Variants in ADCYAP1R1 observed in about 807,000 individuals in gnomAD.
ADCYAP1R1 encodes pituitary adenylate cyclase-activating polypeptide type I receptor.
Under a neutral mutation model 67.6 loss-of-function variants are expected in ADCYAP1R1, and 44 were observed. The observed-to-expected ratio is 0.65, with a 90% CI of 0.51 to 0.84. The LOEUF (loss-of-function observed/expected upper bound fraction) is 0.84, where lower values mean the gene tolerates loss of function less well. Among genes scored for constraint, ADCYAP1R1 ranks in the 40% least tolerant of loss-of-function variants. ADCYAP1R1 has a pLI of 0.00. For missense variants in ADCYAP1R1, 477 were observed against 587.9 expected, an observed-to-expected ratio of 0.81 and a Z score of 1.95; for synonymous variants, 222 against 219.6, an observed-to-expected ratio of 1.01 and a Z score of -0.10.
At chr7:31,087,076 T>C in intron 11 of ADCYAP1R1, 73 bp downstream of exon 11, 1 of 1,519,576 alleles carries the variant, frequency 6.6e-7, no homozygotes, top group Non-Finnish European at 9.1e-7. Flanking sequence ...GTAGCTGCCC[T>C]GACTTCACAT....
At chr7:31,104,755 C>G (rs921735473) in intron 14 of ADCYAP1R1, 113 bp from the exon 15 acceptor site, 1 of 1,222,710 alleles carries the variant, frequency 8.2e-7, no homozygotes, top group Non-Finnish European at 1.2e-6. Flanking sequence ...GGCAGGTGCC[C>G]CCATCCAGGT....
At chr7:31,100,011 A>C (rs1241079552) in intron 13 of ADCYAP1R1, 2 of 995,458 alleles carry the variant, frequency 2.0e-6, no homozygotes, top group Non-Finnish European at 3.0e-6. Flanking sequence ...TCTCCTCCAC[A>C]TGACTGCCCT....
intron 1 of ADCYAP1R1, among the ~76,000 whole-genome samples, chr7:31,058,889 T>C (rs1562625002): frequency 6.6e-6 from 1 of 152,130 alleles, no homozygotes; most frequent in African/African-American, 2.4e-5. Context: ...CTGTGTGATT[T>C]TGGGGAAGTT....
intron 3 of ADCYAP1R1, among the ~76,000 whole-genome samples, chr7:31,066,408 G>A (rs949420068): frequency 6.6e-6 from 1 of 152,144 alleles, no homozygotes; most frequent in Non-Finnish European, 1.5e-5. Context: ...TGAACTCTGG[G>A]CTGACAGGGC....
At chr7:31,083,347 A>G (rs1278916819) in intron 6 of ADCYAP1R1, among the ~76,000 whole-genome samples, 1 of 152,214 alleles carries the variant, frequency 6.6e-6, no homozygotes, top group Non-Finnish European at 1.5e-5. Context: ...TGGGCAGGGC[A>G]AAAACCAGCC....
Position 31,086,977 on chromosome 7 carries a change from G to T in ADCYAP1R1, c.858G>T (p.Thr286=), listed in dbSNP as rs1021248434. The T allele has an allele frequency of 6.2e-7, 1 of 1,614,084 alleles. No individual in the cohort carries two copies. The highest frequency in any genetic ancestry group is 1.7e-5 in the Admixed American group (1 of 60,012). ...CTGTGTGTGTGACAGTGTGGGCTAC[G>T]CTGAGACTCTACTTTGATGACACAG... is the stretch of plus-strand genomic sequence containing the variant. ...TPTVCVTVWA[T]LRLYFDDTGC... Residue 286 remains threonine, a synonymous_variant, in exon 11 of 16, where the codon ACG becomes ACT. Transcript: ENST00000304166. This position sits in a 1 kb window ranked among gnomAD's most constrained non-coding sequence, Gnocchi z 5.0.
intron 13 of ADCYAP1R1, among the ~76,000 whole-genome samples, chr7:31,094,447 T>A (rs1330947679): frequency 6.6e-6 from 1 of 152,108 alleles, no homozygotes; most frequent in Non-Finnish European, 1.5e-5. Context: ...ACACTAATAG[T>A]TGTCTCCCAT....
At chr7:31,081,861 C>A in intron 6 of ADCYAP1R1, 107 bp downstream of exon 6, 2 of 830,260 alleles carry the variant, frequency 2.4e-6, no homozygotes, top group South Asian at 2.3e-5. Flanking sequence ...TCCTCTGTGG[C>A]TGTGTGATCT....
Position 31,086,820 on chromosome 7 carries a change from A to T in ADCYAP1R1, c.824-123A>T. On this transcript the variant is annotated intron_variant, in intron 10 of 15. Coordinates refer to ENST00000304166, the MANE Select transcript of ADCYAP1R1 (RefSeq NM_001118.5). This position sits in a 1 kb window ranked among gnomAD's most constrained non-coding sequence, Gnocchi z 5.0. The stretch of plus-strand genomic sequence containing the variant: ...GGAGGCCTGGGTGTGAGGGACAGTT[A>T]GAATTCCCAGGAATTCCAAGTCTCA... The T allele has an allele frequency of 9.0e-7, 1 of 1,106,618 alleles. No homozygotes were observed. Among genetic ancestry groups the T allele is most frequent in the Non-Finnish European group, 1.4e-6 (1 of 729,714 alleles). 68.5% of individuals were successfully genotyped at this position (1,106,618 alleles called of 1,614,324 possible).
chr7:31,084,352 A>G (rs561820368), intron 7 of ADCYAP1R1, 102 bp downstream of exon 7: 4 of 895,340 alleles, frequency 4.5e-6, no homozygotes, highest in East Asian at 4.9e-5. Context: ...CTGAGAAGCA[A>G]CTGGGATGCT....
Position 31,068,328 on chromosome 7 carries a change from G to A in ADCYAP1R1, c.157+3392G>A, listed in dbSNP as rs77145824. On this transcript the variant is annotated intron_variant, in intron 3 of 15. Transcript: ENST00000304166. Reference sequence around the variant, plus strand: ...GATGAGGCTGCTTAGACACAGAGACGTTAGGTTGCTTGTCTCTTACCTAGT... The same window carrying A: ...GATGAGGCTGCTTAGACACAGAGACATTAGGTTGCTTGTCTCTTACCTAGT... Among the ~76,000 whole-genome samples, 925 of 152,272 alleles carry A rather than the reference G, an allele frequency of 6.1e-3. 7 individuals carry two copies. The highest frequency in any genetic ancestry group is 0.021 in the African/African-American group (873 of 41,548).
Position 31,103,280 on chromosome 7 carries a change from A to G in ADCYAP1R1, c.1090A>G (p.Ile364Val). The G allele has an allele frequency of 6.2e-7, 1 of 1,614,144 alleles. No individual in the cohort carries two copies. The highest frequency in any genetic ancestry group is 8.5e-7 in the Non-Finnish European group (1 of 1,180,006). Residue 364 changes from isoleucine to valine, a missense_variant, in exon 14 of 16, where the codon ATC (isoleucine) becomes GTC (valine). Ile to Val is a conservative substitution (Grantham distance 29). Coordinates refer to ENST00000304166, the MANE Select transcript of ADCYAP1R1 (RefSeq NM_001118.5). ...CCTGCTGCTCATCCCACTATTCGGA[A>G]TCCACTACACAGTATTTGCCTTCTC... ...STLLLIPLFG[I>V]HYTVFAFSPE...
At chr7:31,101,505 C>G (rs1796434740) in intron 13 of ADCYAP1R1, among the ~76,000 whole-genome samples, 1 of 152,122 alleles carries the variant, frequency 6.6e-6, no homozygotes, top group South Asian at 2.1e-4. Context: ...AAAAGTAGCC[C>G]CTATAGGTAG....
In ADCYAP1R1 at chr7:31,052,585, C is replaced by A. The variant is rs1324832636; in HGVS notation, c.-165C>A. 1 of 151,522 alleles carries A rather than the reference C, an allele frequency of 6.6e-6. No homozygotes were observed. Among genetic ancestry groups the A allele is most frequent in the African/African-American group, 2.4e-5 (1 of 41,322 alleles). 9.4% of individuals were successfully genotyped at this position (151,522 alleles called of 1,614,324 possible). A position where few individuals can be genotyped will look rare whatever the true frequency, so the allele number is the denominator to read the frequency against. ...GCGCGCGCTCCTCGGCGCACACGCTCCCCATCCCCGCGCCGCGCGGGCCGC... is the reference window on the plus strand; with the variant it reads ...GCGCGCGCTCCTCGGCGCACACGCTACCCATCCCCGCGCCGCGCGGGCCGC... On this transcript the variant is annotated 5_prime_UTR_variant, in exon 1 of 16. Transcript: ENST00000304166.
intron 12 of ADCYAP1R1, among the ~76,000 whole-genome samples, chr7:31,092,129 G>A (rs941783209): frequency 2.1e-5 from 3 of 146,036 alleles, no homozygotes; most frequent in Non-Finnish European, 4.5e-5. Context: ...CTTTGTGACC[G>A]TTCACATAGC....
chr7:31,104,342 A>G (rs377744155), intron 14 of ADCYAP1R1, among the ~76,000 whole-genome samples: 12 of 152,000 alleles, frequency 7.9e-5, no homozygotes, highest in African/African-American at 2.9e-4. Context: ...GTGTGGATTT[A>G]AAGAATATAT....
intron 3 of ADCYAP1R1, among the ~76,000 whole-genome samples, chr7:31,068,211 G>A (rs886673590): frequency 2.2e-5 from 3 of 136,064 alleles, no homozygotes; most frequent in Non-Finnish European, 3.1e-5. Flanking sequence ...ACGCATGTGC[G>A]CGCGCACACA....
Position 31,106,719 on chromosome 7 carries a change from C to T in ADCYAP1R1, c.*35C>T. 6.4e-7 allele frequency: 1 copy of T among 1,552,398 alleles called. No homozygotes were observed. The highest frequency in any genetic ancestry group is 8.7e-7 in the Non-Finnish European group (1 of 1,148,636). ...CCCTCCTCCTCCTCTCCTCCATCCA[C>T]AGGCTGGGACCGCAGGCAGGTGCCA... On this transcript the variant is annotated 3_prime_UTR_variant, in exon 16 of 16. Transcript: ENST00000304166.
intron 11 of ADCYAP1R1, 146 bp downstream of exon 11, chr7:31,087,149 C>A: frequency 1.1e-6 from 1 of 945,744 alleles, no homozygotes; most frequent in East Asian, 2.6e-5. Flanking sequence ...TGGGCACCAC[C>A]TGAGCCATGG....
Sources: allele counts gnomAD v4.1 joint callset (sites outside exome capture counted in the v4.1 genomes callset), GRCh38; gene constraint gnomAD v4.1.1; non-coding constraint Gnocchi (gnomAD v3.1); transcripts MANE v1.5; gene names NCBI Gene and HGNC (gene_info 2026-07-23, HGNC 2026-07-21).